The following GGCT variants were observed in gnomAD, a reference collection of about 807,000 sequenced individuals.
The protein encoded by GGCT is cytochrome c-releasing factor 21.
GGCT carries 20 observed loss-of-function variants against 22.1 expected under a neutral mutation model. The ratio of observed to expected loss-of-function variants is 0.91; its 90% confidence interval spans 0.64 to 1.32. The LOEUF is 1.32. GGCT is among the 40% of genes most tolerant of loss of function. The pLI, the probability that GGCT is intolerant of heterozygous loss-of-function variation, is 0.00. For missense variants in GGCT, 209 were observed against 223.5 expected, an observed-to-expected ratio of 0.94 and a Z score of 0.41; for synonymous variants, 72 against 78.4, an observed-to-expected ratio of 0.92 and a Z score of 0.43.
Position 30,497,892 on chromosome 7 carries a change from T to C in GGCT, c.424-657A>G, listed in dbSNP as rs754253864. The C allele has an allele frequency of 2.8e-6, 4 of 1,433,916 alleles. No individual in the cohort carries two copies. The South Asian group carries it at 4.6e-5, about 16-fold the overall frequency. 88.8% of individuals were successfully genotyped at this position (1,433,916 alleles called of 1,614,324 possible). ...TGAAAGGCAGTGTGACGTTTCTTTC[T>C]CCACCTAGGGATGAAAAACATTTCA... On this transcript the variant is annotated intron_variant, in intron 3 of 3. Transcript: ENST00000275428.
intron 2 of GGCT, 99 bp downstream of exon 2, chr7:30,500,437 G>C (rs913746362): frequency 1.2e-6 from 1 of 864,960 alleles, no homozygotes; most frequent in Middle Eastern, 3.3e-4. Context: ...TATGTCTGTA[G>C]TATGTGGTTT....
At chr7:30,497,410 G>A in intron 3 of GGCT, 175 bp from the exon 4 acceptor site, 1 of 462,892 alleles carries the variant, frequency 2.2e-6, no homozygotes, top group Non-Finnish European at 3.7e-6. Flanking sequence ...CACTGAGCAT[G>A]AATGTGTATG....
chr7:30,500,703 T>A, intron 1 of GGCT, 22 bp from the exon 2 acceptor site: 3 of 1,604,954 alleles, frequency 1.9e-6, no homozygotes, highest in Non-Finnish European at 2.6e-6. Context: ...ATCAAAGTGA[T>A]ATGATCAATA....
intron 2 of GGCT, among the ~76,000 whole-genome samples, chr7:30,499,556 C>A (rs185339359): frequency 6.5e-4 from 98 of 150,958 alleles, no homozygotes; most frequent in African/African-American, 2.1e-3. Context: ...AAAAAACACA[C>A]AAAAAATTAG....
chr7:30,502,393 A>G lies in GGCT; in HGVS notation c.142-1712T>C, dbSNP rs115350706. Among the ~76,000 whole-genome samples, 695 of 152,270 alleles carry G rather than the reference A, an allele frequency of 4.6e-3. 8 individuals carry two copies. Among genetic ancestry groups the G allele is most frequent in the African/African-American group, 0.016 (663 of 41,536 alleles). On this transcript the variant is annotated intron_variant, in intron 1 of 3. Transcript: ENST00000275428. The stretch of plus-strand genomic sequence containing the variant: ...GGCCATTTTCTCTATTCATTTGGCA[A>G]TTTGCTCAAGACATTCTCATCCCCT...
intron 3 of GGCT, chr7:30,497,900 G>C: frequency 7.2e-7 from 1 of 1,393,748 alleles, no homozygotes; most frequent in Non-Finnish European, 9.5e-7. Context: ...TCTCCACCTA[G>C]GGATGAAAAA....
chr7:30,499,230 A>G (rs1307537146), intron 2 of GGCT, among the ~76,000 whole-genome samples: 1 of 151,780 alleles, frequency 6.6e-6, no homozygotes, highest in Non-Finnish European at 1.5e-5. Context: ...CAACATGGTG[A>G]AACGCCATCT....
chr7:30,502,986 C>T (rs1011459922), intron 1 of GGCT, among the ~76,000 whole-genome samples: 1 of 152,138 alleles, frequency 6.6e-6, no homozygotes, highest in Non-Finnish European at 1.5e-5. Context: ...CCACATATCT[C>T]CAGTCTTCAT....
intron 2 of GGCT, among the ~76,000 whole-genome samples, chr7:30,499,953 T>G (rs1443987479): frequency 2.0e-5 from 3 of 152,132 alleles, no homozygotes; most frequent in Admixed American, 6.5e-5. Context: ...GATGGCTCTT[T>G]CTCCTTCACA....
rs758508499 is a variant in GGCT, at chr7:30,498,859, G to T, written c.367C>A (p.Arg123=). Residue 123 remains arginine (R), a synonymous_variant, in exon 3 of 4, where the codon CGA becomes AGA. Transcript: ENST00000275428. ...ATQEGKEITC[R]SYLMTNYESA... is the part of the protein sequence containing the mutation. Reference sequence around the variant, plus strand: ...TCGTAATTTGTCATCAGATAACTTCGACAGGTTATTTCTTTTCCTTCTTGA... The same window carrying T: ...TCGTAATTTGTCATCAGATAACTTCTACAGGTTATTTCTTTTCCTTCTTGA... 1 of 1,612,276 alleles carries T rather than the reference G, an allele frequency of 6.2e-7. No homozygotes were observed. Among genetic ancestry groups the T allele is most frequent in the Non-Finnish European group, 8.5e-7 (1 of 1,178,320 alleles).
chr7:30,504,406 G>C (rs920561401), intron 1 of GGCT, among the ~76,000 whole-genome samples, 163 bp downstream of exon 1: 5 of 152,244 alleles, frequency 3.3e-5, no homozygotes, highest in African/African-American at 1.2e-4. Flanking sequence ...CCGGGCAGTG[G>C]GCGCAGCGGA....
intron 3 of GGCT, among the ~76,000 whole-genome samples, chr7:30,498,084 G>C: frequency 6.8e-6 from 1 of 146,332 alleles, no homozygotes; most frequent in Non-Finnish European, 1.5e-5. Context: ...AAGAGAAAGA[G>C]AGAGAGACTA....
chr7:30,501,068 T>G (rs1789690341), intron 1 of GGCT, among the ~76,000 whole-genome samples: 1 of 152,184 alleles, frequency 6.6e-6, no homozygotes, highest in East Asian at 1.9e-4. Context: ...TGGCTACATG[T>G]GGGTTATAAT....
intron 3 of GGCT, among the ~76,000 whole-genome samples, chr7:30,498,535 T>C (rs1583945037): frequency 6.6e-6 from 1 of 152,292 alleles, no homozygotes; most frequent in East Asian, 1.9e-4. Context: ...TTCTTATGCC[T>C]CAGCCTTCCA....
intron 1 of GGCT, 145 bp downstream of exon 1, chr7:30,504,424 G>T: frequency 2.2e-6 from 2 of 926,086 alleles, no homozygotes; most frequent in South Asian, 1.6e-5. Context: ...GGAGGAGGTG[G>T]ACCCGCCCAG....
intron 1 of GGCT, among the ~76,000 whole-genome samples, chr7:30,504,300 C>A (rs928815351): frequency 6.6e-6 from 1 of 152,326 alleles, no homozygotes; most frequent in East Asian, 1.9e-4. Context: ...AGTTAGTGGA[C>A]GAGAGGCCAA....
At chr7:30,504,542 G>A (rs1583954234) in intron 1 of GGCT, 27 bp downstream of exon 1, 1 of 1,612,156 alleles carries the variant, frequency 6.2e-7, no homozygotes. Flanking sequence ...CGGCCCCGGC[G>A]TGGGTAGCGC....
Sources: gnomAD v4.1 joint callset for allele counts (sites outside exome capture counted in the v4.1 genomes callset) on GRCh38, gnomAD v4.1.1 for gene constraint, MANE v1.5 for transcripts, NCBI Gene and HGNC (gene_info 2026-07-23, HGNC 2026-07-21) for gene names.